Variants in CISD1 observed in about 807,000 individuals in gnomAD.
The protein encoded by CISD1 is CDGSH iron sulfur domain 1, also known as CDGSH iron-sulfur domain-containing protein 1.
CISD1 carries 8 observed loss-of-function variants against 12.0 expected under a neutral mutation model. The ratio of observed to expected loss-of-function variants is 0.67; its 90% confidence interval spans 0.39 to 1.20. The LOEUF (loss-of-function observed/expected upper bound fraction) is 1.20. CISD1 is among the 50% of genes most tolerant of loss of function. CISD1 has a pLI of 0.01. For missense variants in CISD1, 107 were observed against 132.7 expected (o/e 0.81, Z 0.95); for synonymous variants, 38 against 42.2 (o/e 0.90, Z 0.39).
intron 1 of CISD1, among the ~76,000 whole-genome samples, chr10:58,270,095 C>T (rs749946415): frequency 3.9e-5 from 6 of 152,050 alleles, no homozygotes; most frequent in Admixed American, 3.9e-4. Flanking sequence ...TGATCTTTGC[C>T]CCTCTATAAA....
intron 2 of CISD1, among the ~76,000 whole-genome samples, chr10:58,283,270 C>T (rs966355912): frequency 6.6e-6 from 1 of 151,948 alleles, no homozygotes; most frequent in African/African-American, 2.4e-5. Context: ...CATTCCTTGG[C>T]CAATCCACAT....
chr10:58,282,904 T>C (rs981417405), intron 2 of CISD1: 1 of 152,166 alleles, frequency 6.6e-6, no homozygotes, highest in African/African-American at 2.4e-5. Context: ...TTCAGGTTGG[T>C]TACATCACTT....
At chr10:58,277,367 A>G in intron 2 of CISD1, 45 bp downstream of exon 2, 1 of 1,284,304 alleles carries the variant, frequency 7.8e-7, no homozygotes, top group Non-Finnish European at 1.1e-6. Context: ...TTAATGTTAT[A>G]TTTCTTTTTA....
At chr10:58,270,409 G>A (rs1365492974) in intron 1 of CISD1, among the ~76,000 whole-genome samples, 2 of 152,106 alleles carry the variant, frequency 1.3e-5, no homozygotes, top group African/African-American at 4.8e-5. Flanking sequence ...AGGCAGCTTG[G>A]TGCATTTAAA....
intron 1 of CISD1, among the ~76,000 whole-genome samples, chr10:58,269,976 A>C (rs1839226115): frequency 6.6e-6 from 1 of 152,232 alleles, no homozygotes; most frequent in East Asian, 1.9e-4. Flanking sequence ...TTATAATAAA[A>C]TTAAGAGACT....
chr10:58,275,660 A>C (rs1285852824), intron 1 of CISD1, among the ~76,000 whole-genome samples: 1 of 152,218 alleles, frequency 6.6e-6, no homozygotes, highest in Non-Finnish European at 1.5e-5. Flanking sequence ...GAAAAATACT[A>C]CCGTGGTTGA....
rs1007616736 is a variant in CISD1 at position 58,269,186 on chromosome 10, T to G, written c.-88T>G. The G allele has an allele frequency of 2.2e-5, 32 of 1,423,374 alleles. No individual in the cohort carries two copies. In the South Asian group the frequency reaches 3.7e-4, roughly 16 times the overall value. 88.2% of individuals were successfully genotyped at this position (1,423,374 alleles called of 1,614,324 possible). ...TAGCATCGCGGAGTCGGTGCTTTAG[T>G]ACGCCGCTGGCACCTTTACTCTCGC... On this transcript the variant is annotated 5_prime_UTR_variant, in exon 1 of 3. Transcript: ENST00000333926.
intron 2 of CISD1, among the ~76,000 whole-genome samples, 195 bp downstream of exon 2, chr10:58,277,517 C>T (rs1839328721): frequency 6.6e-6 from 1 of 151,834 alleles, no homozygotes; most frequent in Non-Finnish European, 1.5e-5. Flanking sequence ...CCTCCCGGTT[C>T]AAGTGATTCT....
intron 2 of CISD1, 115 bp from the exon 3 acceptor site, chr10:58,287,446 A>T: frequency 1.6e-6 from 1 of 638,216 alleles, no homozygotes; most frequent in Non-Finnish European, 2.6e-6. Flanking sequence ...GAAAGCCTAT[A>T]TAAGATAGCC....
rs1839207484 is a variant in CISD1 at position 58,269,218 on chromosome 10, C to CA, written c.-56_-55insA. On this transcript the variant is annotated 5_prime_UTR_variant, in exon 1 of 3. Coordinates refer to ENST00000333926, the MANE Select transcript of CISD1 (RefSeq NM_018464.5). ...CTGGCACCTTTACTCTCGCCGGCCG[C>CA]GCGAACCCGTTTGAGCTCGGTATCC... 1 of 1,583,882 alleles carries CA rather than the reference C, an allele frequency of 6.3e-7. No individual in the cohort carries two copies. The highest frequency in any genetic ancestry group is 1.7e-5 in the Admixed American group (1 of 59,986).
chr10:58,270,404 G>T (rs375913038), intron 1 of CISD1, among the ~76,000 whole-genome samples: 12 of 152,256 alleles, frequency 7.9e-5, no homozygotes, highest in African/African-American at 2.9e-4. Flanking sequence ...AATAGAGGCA[G>T]CTTGGTGCAT....
In CISD1 at chr10:58,281,044, C is replaced by T. The variant is rs527239133; in HGVS notation, c.237+3722C>T. Among the ~76,000 whole-genome samples the T allele has an allele frequency of 3.0e-3, 457 of 152,328 alleles. 1 individual carries two copies. Among genetic ancestry groups the T allele is most frequent in the Non-Finnish European group, 4.1e-3 (281 of 68,018 alleles). ...AGTAACATAATTGCTTGAGTGAACA[C>T]TACAGCTTGGCTTTGAGATCAAGTA... On this transcript the variant is annotated intron_variant, in intron 2 of 2. Coordinates refer to ENST00000333926, the MANE Select transcript of CISD1 (RefSeq NM_018464.5).
chr10:58,285,751 A>G (rs1227369569), intron 2 of CISD1, among the ~76,000 whole-genome samples: 3 of 152,212 alleles, frequency 2.0e-5, no homozygotes, highest in Non-Finnish European at 4.4e-5. Flanking sequence ...TATAGCAAGA[A>G]TGTTCAGATA....
At chr10:58,274,527 A>G (rs910017909) in intron 1 of CISD1, among the ~76,000 whole-genome samples, 6 of 138,028 alleles carry the variant, frequency 4.3e-5, no homozygotes, top group Non-Finnish European at 6.3e-5. Context: ...TTGGGAAGGG[A>G]AAAAAAAAAA....
At position 58,277,160 on chromosome 10, in the gene CISD1, A is replaced by C; in HGVS notation, c.75A>C (p.Ala25=). The change falls in exon 2 of 3, where the codon GCA becomes GCC. Residue 25 remains alanine, a synonymous_variant. Transcript: ENST00000333926. Reference sequence around the variant, plus strand: ...TTACCATTGCTGCTGGGACAGCTGCAATTGGTTATCTAGCTTACAAAAGAT... The same window carrying C: ...TTACCATTGCTGCTGGGACAGCTGCCATTGGTTATCTAGCTTACAAAAGAT... The part of the protein sequence containing the change: ...AAVTIAAGTA[A]IGYLAYKRFY... 2 of 1,612,500 alleles carry C rather than the reference A, an allele frequency of 1.2e-6. No homozygotes were observed. Among genetic ancestry groups the C allele is most frequent in the Non-Finnish European group, 8.5e-7 (1 of 1,179,160 alleles).
chr10:58,270,287 T>G (rs1202859820), intron 1 of CISD1, among the ~76,000 whole-genome samples: 1 of 152,208 alleles, frequency 6.6e-6, no homozygotes, highest in Non-Finnish European at 1.5e-5. Flanking sequence ...TTGACAAAAT[T>G]TACCTGGCTA....
At chr10:58,270,307 T>C (rs1450732707) in intron 1 of CISD1, among the ~76,000 whole-genome samples, 1 of 152,234 alleles carries the variant, frequency 6.6e-6, no homozygotes, top group African/African-American at 2.4e-5. Flanking sequence ...AAGGGTGATA[T>C]TCCATGACAT....
chr10:58,281,929 T>C (rs1376117633), intron 2 of CISD1, among the ~76,000 whole-genome samples: 5 of 152,066 alleles, frequency 3.3e-5, no homozygotes, highest in South Asian at 2.1e-4. Flanking sequence ...AGCATTGGTA[T>C]GTCATCTGAT....
Position 58,277,203 on chromosome 10 carries a change from C to T in CISD1, c.118C>T (p.Arg40Ter). Residue 40 changes from arginine to a stop codon, truncating the protein, a stop_gained, in exon 2 of 3, where the codon CGA (arginine) becomes TGA (stop). Coordinates refer to ENST00000333926, the MANE Select transcript of CISD1 (RefSeq NM_018464.5). LOFTEE classifies it high-confidence loss of function. ...AYKRFYVKDH[R>*]NKAMINLHIQ... ...CAAAAGATTTTATGTTAAAGATCAT[C>T]GAAATAAAGCTATGATAAACCTTCA... The T allele has an allele frequency of 1.9e-6, 3 of 1,612,334 alleles. No homozygotes were observed. The highest frequency in any genetic ancestry group is 1.3e-5 in the African/African-American group (1 of 74,904).
Sources: gnomAD v4.1 joint callset for allele counts (sites outside exome capture counted in the v4.1 genomes callset) on GRCh38, gnomAD v4.1.1 for gene constraint, MANE v1.5 for transcripts, NCBI Gene and HGNC (gene_info 2026-07-23, HGNC 2026-07-21) for gene names.